The following PTPRD variants were observed in gnomAD, a reference collection of about 807,000 sequenced individuals.
PTPRD encodes receptor-type tyrosine-protein phosphatase delta.
PTPRD carries 34 observed loss-of-function variants against 214.5 expected under a neutral mutation model. The observed-to-expected ratio is 0.16, with a 90% CI of 0.12 to 0.21. The LOEUF (loss-of-function observed/expected upper bound fraction) is 0.21, where lower values mean the gene tolerates loss of function less well. Ranked by LOEUF, PTPRD falls within the 10% of genes least tolerant of loss-of-function variation. PTPRD has a pLI of 1.00. For missense variants in PTPRD, 2,545 were observed against 2,398.7 expected, an observed-to-expected ratio of 1.06 and a Z score of -1.27; for synonymous variants, 1,128 against 845.7, an observed-to-expected ratio of 1.33 and a Z score of -5.79.
At chr9:8,668,734 T>C (rs922997248) in intron 12 of PTPRD, among the ~76,000 whole-genome samples, 10 of 152,192 alleles carry the variant, frequency 6.6e-5, no homozygotes, top group Admixed American at 3.9e-4. Flanking sequence ...TAACTGTCTT[T>C]CAATTAAAAC....
chr9:9,449,118 G>A (rs995104150), intron 8 of PTPRD, among the ~76,000 whole-genome samples: 2 of 152,000 alleles, frequency 1.3e-5, no homozygotes, highest in African/African-American at 4.8e-5. Context: ...GGCAATAACT[G>A]TCTCTTCTCC....
At chr9:9,815,857 AT>A (rs1038906153) in intron 5 of PTPRD, among the ~76,000 whole-genome samples, 2 of 152,128 alleles carry the variant, frequency 1.3e-5, no homozygotes, top group African/African-American at 4.8e-5. Flanking sequence ...GTAACACTGT[AT>A]TTTTTACTTA....
At chr9:9,361,642 C>G (rs537761497) in intron 9 of PTPRD, among the ~76,000 whole-genome samples, 1 of 150,760 alleles carries the variant, frequency 6.6e-6, no homozygotes, top group Non-Finnish European at 1.5e-5. Flanking sequence ...TTTCTTCATG[C>G]TAGAAAGATT....
chr9:10,440,502 A>G (rs1199007281), intron 2 of PTPRD, among the ~76,000 whole-genome samples: 1 of 151,772 alleles, frequency 6.6e-6, no homozygotes, highest in African/African-American at 2.4e-5. Flanking sequence ...ATTTGAGTGG[A>G]GATAAATGGA....
chr9:9,863,946 G>A (rs531582371), intron 5 of PTPRD, among the ~76,000 whole-genome samples: 1 of 152,226 alleles, frequency 6.6e-6, no homozygotes, highest in East Asian at 1.9e-4. Flanking sequence ...TTTTGAGTTG[G>A]TTGATTTCTC....
At chr9:8,499,902 T>A in intron 24 of PTPRD, 62 bp from the exon 25 acceptor site, 1 of 1,395,298 alleles carries the variant, frequency 7.2e-7, no homozygotes, top group Non-Finnish European at 9.6e-7. Context: ...TCAGAGCATT[T>A]TCTGCATTTT....
chr9:10,090,908 T>A (rs2098420996), intron 3 of PTPRD, among the ~76,000 whole-genome samples: 1 of 125,834 alleles, frequency 7.9e-6, no homozygotes, highest in Admixed American at 8.9e-5. Context: ...TTTGTGTATA[T>A]AAATGAAATA....
At chr9:9,142,637 A>T (rs1241327237) in intron 10 of PTPRD, among the ~76,000 whole-genome samples, 3 of 152,248 alleles carry the variant, frequency 2.0e-5, no homozygotes, top group African/African-American at 7.2e-5. Context: ...TAACTTCTGT[A>T]CATCACTTGA....
intron 9 of PTPRD, among the ~76,000 whole-genome samples, chr9:9,365,316 C>T (rs2057568326): frequency 6.6e-6 from 1 of 151,528 alleles, no homozygotes; most frequent in African/African-American, 2.4e-5. Context: ...TGTGTAAATG[C>T]AAACATATAA....
chr9:8,741,409 A>C (rs2091886923), intron 11 of PTPRD, among the ~76,000 whole-genome samples: 1 of 152,146 alleles, frequency 6.6e-6, no homozygotes, highest in Non-Finnish European at 1.5e-5. Context: ...AAGTCTATTC[A>C]ACATGCCGTT....
intron 14 of PTPRD, among the ~76,000 whole-genome samples, chr9:8,577,291 G>C (rs2092531365): frequency 6.6e-6 from 1 of 152,084 alleles, no homozygotes; most frequent in Non-Finnish European, 1.5e-5. Context: ...TTTCGCTCTT[G>C]TTGCCCAGGC....
In PTPRD at chr9:8,316,338, A is replaced by G. The variant is rs1821744568; in HGVS notation, c.*1536T>C. ...AATGCTATTAAAATAGGCATCAATTATAAGGCACTCTAAATGCAAAACTAA... is the reference window on the plus strand; with the variant it reads ...AATGCTATTAAAATAGGCATCAATTGTAAGGCACTCTAAATGCAAAACTAA... On this transcript the variant is annotated 3_prime_UTR_variant, in exon 46 of 46. Transcript: ENST00000381196. 4.3e-6 allele frequency: 1 copy of G among 231,648 alleles called. No individual in the cohort carries two copies. Among genetic ancestry groups the G allele is most frequent in the Non-Finnish European group, 8.6e-6 (1 of 116,860 alleles). The allele number at this position is 231,648 out of a possible 1,614,324, so 14.3% of individuals were successfully genotyped here.
At chr9:9,608,686 C>T (rs1440390791) in intron 7 of PTPRD, among the ~76,000 whole-genome samples, 1 of 152,164 alleles carries the variant, frequency 6.6e-6, no homozygotes, top group African/African-American at 2.4e-5. Flanking sequence ...TGTCTCTGCA[C>T]CTACTCAGAA....
intron 42 of PTPRD, among the ~76,000 whole-genome samples, chr9:8,339,284 T>G (rs146415145): frequency 6.6e-6 from 1 of 152,140 alleles, no homozygotes; most frequent in African/African-American, 2.4e-5. Flanking sequence ...TGGCAGATAG[T>G]AGCTGCTTAA....
At chr9:10,595,780 G>A (rs932886702) in intron 2 of PTPRD, among the ~76,000 whole-genome samples, 85 of 151,508 alleles carry the variant, frequency 5.6e-4, no homozygotes, top group African/African-American at 1.8e-3. Flanking sequence ...TTTACTAGTG[G>A]GGGGAAAGAA....
chr9:8,415,880 C>A (rs972460810), intron 35 of PTPRD, among the ~76,000 whole-genome samples: 2 of 151,916 alleles, frequency 1.3e-5, no homozygotes, highest in African/African-American at 4.8e-5. Flanking sequence ...ACAGATCTCT[C>A]TCAAGTTTTA....
In PTPRD at chr9:9,485,887, T is replaced by C. The variant is rs144110145; in HGVS notation, c.-236-88405A>G. Among the ~76,000 whole-genome samples the C allele has an allele frequency of 1.2e-3, 190 of 152,162 alleles. 1 individual carries two copies. The highest frequency in any genetic ancestry group is 0.01 in the Middle Eastern group (3 of 294). ...CTTCCCTTGGGCCGGGTGGGGTGGC[T>C]CACGCCTGTAATCCCAGCACTTTGG... On this transcript the variant is annotated intron_variant, in intron 8 of 45. Coordinates refer to ENST00000381196, the MANE Select transcript of PTPRD (RefSeq NM_002839.4).
Position 8,593,642 on chromosome 9 carries a change from T to C in PTPRD, c.352+39675A>G, listed in dbSNP as rs184667104. On this transcript the variant is annotated intron_variant, in intron 14 of 45. Coordinates refer to ENST00000381196, the MANE Select transcript of PTPRD (RefSeq NM_002839.4). ...AAATGTCTCACAATTTGATTCTTTATTGGTGTGAAACACTGTATCATAAAA... is the reference window on the plus strand; with the variant it reads ...AAATGTCTCACAATTTGATTCTTTACTGGTGTGAAACACTGTATCATAAAA... Among the ~76,000 whole-genome samples, 4 of 152,338 alleles carry C rather than the reference T, an allele frequency of 2.6e-5. No homozygotes were observed. In the East Asian group the frequency reaches 7.7e-4, roughly 29 times the overall value.
intron 12 of PTPRD, among the ~76,000 whole-genome samples, chr9:8,706,919 C>T (rs902752358): frequency 3.9e-5 from 6 of 152,112 alleles, no homozygotes; most frequent in Admixed American, 1.3e-4. Flanking sequence ...CTGGACAGCA[C>T]AAAACACCAC....
Sources: allele counts gnomAD v4.1 joint callset (sites outside exome capture counted in the v4.1 genomes callset), GRCh38; gene constraint gnomAD v4.1.1; transcripts MANE v1.5; gene names NCBI Gene and HGNC (gene_info 2026-07-23, HGNC 2026-07-21).